The following RAB6A variants were observed in gnomAD, a reference collection of about 807,000 sequenced individuals.
RAB6A encodes the protein ras-related protein Rab-6A.
RAB6A carries 8 observed loss-of-function variants against 32.3 expected under a neutral mutation model. The observed-to-expected ratio is 0.25, with a 90% CI of 0.15 to 0.45. RAB6A has a LOEUF of 0.45. Ranked by LOEUF, RAB6A falls within the 20% of genes least tolerant of loss-of-function variation. The probability of loss-of-function intolerance (pLI) is 1.00; values close to 1 mark genes in which losing one functional copy is unlikely to be tolerated. For missense variants in RAB6A, 104 were observed against 249.4 expected, an observed-to-expected ratio of 0.42 and a Z score of 3.93; for synonymous variants, 73 against 82.1, an observed-to-expected ratio of 0.89 and a Z score of 0.60.
chr11:73,740,015 C>A (rs540477913), intron 1 of RAB6A, among the ~76,000 whole-genome samples: 9 of 150,722 alleles, frequency 6.0e-5, no homozygotes, highest in African/African-American at 2.2e-4. Context: ...GCCGAGACTG[C>A]GCCACTGCAG....
At chr11:73,748,890 C>T (rs1399373145) in intron 1 of RAB6A, among the ~76,000 whole-genome samples, 2 of 152,114 alleles carry the variant, frequency 1.3e-5, no homozygotes, top group Admixed American at 6.6e-5. Context: ...TTTGGAAGGC[C>T]GAGGTGGGCA....
chr11:73,746,994 G>A (rs890335279), intron 1 of RAB6A, among the ~76,000 whole-genome samples: 1 of 152,078 alleles, frequency 6.6e-6, no homozygotes, highest in Non-Finnish European at 1.5e-5. Context: ...GGAGTGTGGT[G>A]GTGCAATCTC....
intron 6 of RAB6A, among the ~76,000 whole-genome samples, chr11:73,706,024 G>A (rs539747921): frequency 1.2e-3 from 178 of 152,080 alleles, no homozygotes; most frequent in African/African-American, 4.2e-3. Flanking sequence ...CATGAGCACA[G>A]GTATCAAACC....
At chr11:73,718,925 A>AC in intron 3 of RAB6A, 2 of 1,531,404 alleles carry the variant, frequency 1.3e-6, no homozygotes, top group Non-Finnish European at 1.8e-6. Flanking sequence ...AAAAAAAAAA[A>AC]ACCAAACTAA....
At chr11:73,715,680 G>T (rs1440542243) in intron 5 of RAB6A, among the ~76,000 whole-genome samples, 1 of 152,284 alleles carries the variant, frequency 6.6e-6, no homozygotes, top group East Asian at 1.9e-4. Context: ...TCAAGCCATG[G>T]GTCCTACAGT....
intron 1 of RAB6A, among the ~76,000 whole-genome samples, chr11:73,734,046 C>G (rs1946357194): frequency 6.6e-6 from 1 of 152,100 alleles, no homozygotes. Flanking sequence ...CCCTGATATA[C>G]TGTGACAAGA....
intron 5 of RAB6A, among the ~76,000 whole-genome samples, 173 bp downstream of exon 5, chr11:73,716,078 T>G (rs1429430764): frequency 6.6e-6 from 1 of 152,222 alleles, no homozygotes; most frequent in Non-Finnish European, 1.5e-5. Context: ...CCTTAAGGAC[T>G]GGCTGTTTAA....
At chr11:73,688,745 T>G (rs903300661) in intron 6 of RAB6A, among the ~76,000 whole-genome samples, 1 of 152,208 alleles carries the variant, frequency 6.6e-6, no homozygotes, top group Non-Finnish European at 1.5e-5. Context: ...CTGTAAAACA[T>G]TTCTATTTAC....
chr11:73,711,266 C>A (rs1405051515), intron 5 of RAB6A, among the ~76,000 whole-genome samples: 1 of 152,162 alleles, frequency 6.6e-6, no homozygotes, highest in African/African-American at 2.4e-5. Context: ...CAGCAGCAGT[C>A]CAGCTGGGAT....
At chr11:73,760,202 G>C in intron 1 of RAB6A, 2 of 955,090 alleles carry the variant, frequency 2.1e-6, no homozygotes, top group South Asian at 2.7e-5. Context: ...AAAGAGCAAG[G>C]AATAAGGGTG....
At chr11:73,699,308 G>T (rs1945704872) in intron 6 of RAB6A, among the ~76,000 whole-genome samples, 1 of 152,092 alleles carries the variant, frequency 6.6e-6, no homozygotes, top group Non-Finnish European at 1.5e-5. Context: ...ATCCAGGCTG[G>T]AGTGCAGTGG....
chr11:73,750,911 T>C (rs557297227), intron 1 of RAB6A, among the ~76,000 whole-genome samples: 1 of 152,118 alleles, frequency 6.6e-6, no homozygotes, highest in South Asian at 2.1e-4. Context: ...CAACCTCCTA[T>C]GCTCAAGCCA....
At chr11:73,748,803 C>G (rs1946631617) in intron 1 of RAB6A, among the ~76,000 whole-genome samples, 1 of 152,066 alleles carries the variant, frequency 6.6e-6, no homozygotes, top group Admixed American at 6.6e-5. Flanking sequence ...TTCATCCCCC[C>G]AAAATTCTAC....
chr11:73,749,585 T>A (rs1217164688), intron 1 of RAB6A, among the ~76,000 whole-genome samples: 1 of 152,180 alleles, frequency 6.6e-6, no homozygotes, highest in Non-Finnish European at 1.5e-5. Context: ...GGCTCATGAC[T>A]GTAATCTCAG....
chr11:73,677,630 T>G lies in RAB6A; in HGVS notation c.*268A>C. The G allele has an allele frequency of 1.2e-6, 1 of 831,902 alleles. No homozygotes were observed. The highest frequency in any genetic ancestry group is 1.8e-6 in the Non-Finnish European group (1 of 550,590). 51.5% of individuals were successfully genotyped at this position (831,902 alleles called of 1,614,324 possible). On this transcript the variant is annotated 3_prime_UTR_variant, in exon 8 of 8. Coordinates refer to ENST00000336083, the MANE Select transcript of RAB6A (RefSeq NM_198896.2). Reference sequence around the variant, plus strand: ...CATAACATTAAAAAAGAAAAAAATGTTAAGAAAATGTATCTAATTTTTAAA... The same window carrying G: ...CATAACATTAAAAAAGAAAAAAATGGTAAGAAAATGTATCTAATTTTTAAA...
At chr11:73,749,608 C>A (rs146893697) in intron 1 of RAB6A, among the ~76,000 whole-genome samples, 1 of 152,242 alleles carries the variant, frequency 6.6e-6, no homozygotes, top group African/African-American at 2.4e-5. Context: ...TTTTGGGAGG[C>A]CGAGGCCAGA....
Position 73,690,021 on chromosome 11 carries a change from C to T in RAB6A, c.496-10301G>A, listed in dbSNP as rs77702697. ...AACACTCTGGAGGAGGGGAAAACTT[C>T]TTTTCACATGGTGTAAGGCAGAAAG... is the stretch of plus-strand genomic sequence containing the variant. On this transcript the variant is annotated intron_variant, in intron 6 of 7. Transcript: ENST00000336083. Among the ~76,000 whole-genome samples the T allele has an allele frequency of 3.2e-3, 487 of 151,846 alleles. 5 individuals carry two copies. Among genetic ancestry groups the T allele is most frequent in the African/African-American group, 0.011 (461 of 41,402 alleles).
chr11:73,731,684 TTA>T (rs1157961323), intron 1 of RAB6A, among the ~76,000 whole-genome samples: 310 of 14,424 alleles, frequency 0.021, 1 homozygote, highest in African/African-American at 0.032. Flanking sequence ...TAGATAGATA[TTA>T]TATATATATA....
In RAB6A at chr11:73,683,821, G is replaced by T. The variant is rs138198349; in HGVS notation, c.496-4101C>A. 6.6e-3 allele frequency among the ~76,000 whole-genome samples: 1,000 copies of T among 152,270 alleles called. 14 individuals carry two copies. Among genetic ancestry groups the T allele is most frequent in the African/African-American group, 0.023 (956 of 41,568 alleles). On this transcript the variant is annotated intron_variant, in intron 6 of 7. Coordinates refer to ENST00000336083, the MANE Select transcript of RAB6A (RefSeq NM_198896.2). ...ACCTGCCTCAGCCTCCCAAAGTGCT[G>T]AGATTAAAGGCATGTGCCACTGCGA...
Sources: gnomAD v4.1 joint callset for allele counts (sites outside exome capture counted in the v4.1 genomes callset) on GRCh38, gnomAD v4.1.1 for gene constraint, MANE v1.5 for transcripts, NCBI Gene and HGNC (gene_info 2026-07-23, HGNC 2026-07-21) for gene names.